The following MINAR2 variants were observed in gnomAD, a reference collection of about 807,000 sequenced individuals.
MINAR2 encodes the protein major intrinsically disordered NOTCH2-binding receptor 1-like.
In MINAR2, 21 loss-of-function variants were observed where a neutral mutation model predicts 16.1. That is an observed-to-expected ratio of 1.31 (90% CI 0.93 to 1.88). MINAR2 has a LOEUF of 1.88. Ranked by LOEUF, MINAR2 falls within the 40% of genes most tolerant of loss-of-function variation. The pLI is 0.00. For synonymous variants in MINAR2, 86 were observed against 83.0 expected, an observed-to-expected ratio of 1.04 and a Z score of -0.20; for missense variants, 259 against 229.8, an observed-to-expected ratio of 1.13 and a Z score of -0.82.
chr5:129,757,232 G>A (rs1018816310), intron 1 of MINAR2, among the ~76,000 whole-genome samples: 1 of 151,862 alleles, frequency 6.6e-6, no homozygotes, highest in South Asian at 2.1e-4. Flanking sequence ...TCATCCACAA[G>A]TCAATGGACA....
intron 2 of MINAR2, among the ~76,000 whole-genome samples, chr5:129,760,908 T>C (rs1248994832): frequency 2.6e-5 from 4 of 152,178 alleles, no homozygotes; most frequent in Admixed American, 2.0e-4. Flanking sequence ...ATTTGCAAGA[T>C]CACATTTTCT....
chr5:129,754,781 C>G (rs1037961383), intron 1 of MINAR2, among the ~76,000 whole-genome samples: 1 of 152,136 alleles, frequency 6.6e-6, no homozygotes, highest in African/African-American at 2.4e-5. Context: ...ATAAACATCC[C>G]TGTAGATAAT....
intron 2 of MINAR2, among the ~76,000 whole-genome samples, chr5:129,760,842 G>A (rs1363473): frequency 0.17 from 25,508 of 152,064 alleles, 2,342 homozygotes; most frequent in East Asian, 0.3. Flanking sequence ...GAAGAAAAAA[G>A]CCATGTGGTA....
chr5:129,750,061 T>C (rs1256223827), intron 1 of MINAR2, among the ~76,000 whole-genome samples: 1 of 152,188 alleles, frequency 6.6e-6, no homozygotes, highest in East Asian at 1.9e-4. Context: ...AATTGGCCAA[T>C]TATTAATGCA....
chr5:129,756,541 C>T (rs1451186651), intron 1 of MINAR2, among the ~76,000 whole-genome samples: 1 of 152,002 alleles, frequency 6.6e-6, no homozygotes, highest in Non-Finnish European at 1.5e-5. Context: ...GTCCTCATAG[C>T]CTAGCTCCCA....
Position 129,760,570 on chromosome 5 carries a change from C to T in MINAR2, c.358C>T (p.His120Tyr), listed in dbSNP as rs750401886. The T allele has an allele frequency of 8.1e-5, 125 of 1,535,374 alleles. No individual in the cohort carries two copies. The highest frequency in any genetic ancestry group is 1.0e-4 in the Non-Finnish European group (116 of 1,146,452). Residue 120 changes from histidine to tyrosine, a missense_variant, in exon 2 of 3, where the codon CAT becomes TAT. Coordinates refer to ENST00000564719, the MANE Select transcript of MINAR2 (RefSeq NM_001257308.2). The stretch of plus-strand genomic sequence containing the variant: ...ATGGACCATTGAGGAATATGACAAA[C>T]ATTCCCTGCACACAAACCTCTCTGG... ...PSWTIEEYDK[H>Y]SLHTNLSGHL... is the part of the protein sequence containing the mutation.
At chr5:129,758,704 T>C (rs1231942033) in intron 1 of MINAR2, among the ~76,000 whole-genome samples, 1 of 151,882 alleles carries the variant, frequency 6.6e-6, no homozygotes, top group Non-Finnish European at 1.5e-5. Context: ...GTCAGGAGAA[T>C]TATCCCCCTT....
intron 2 of MINAR2, among the ~76,000 whole-genome samples, chr5:129,762,235 C>T (rs1758146095): frequency 1.3e-5 from 2 of 151,994 alleles, no homozygotes; most frequent in Admixed American, 6.6e-5. Context: ...AGAAAACTAG[C>T]ACATGTAACC....
At chr5:129,758,042 T>C (rs1758078323) in intron 1 of MINAR2, among the ~76,000 whole-genome samples, 1 of 151,992 alleles carries the variant, frequency 6.6e-6, no homozygotes, top group Non-Finnish European at 1.5e-5. Flanking sequence ...TGAATTATAG[T>C]TTACTTCACA....
chr5:129,753,677 G>A (rs942265044), intron 1 of MINAR2, among the ~76,000 whole-genome samples: 2 of 151,514 alleles, frequency 1.3e-5, no homozygotes, highest in Non-Finnish European at 2.9e-5. Context: ...CGCTTGAACC[G>A]GGGAGGTGGA....
rs1159699816 is a variant in MINAR2 at position 129,766,655 on chromosome 5, AACAAAC to A, written c.*1594_*1599del. Reference sequence around the variant, plus strand: ...TCCATAAAAAAAAAAAAAAAAAAAAAACAAACAAACAAACAAAAAAAACCCCAAAAA... The same window carrying A: ...TCCATAAAAAAAAAAAAAAAAAAAAAAAACAAACAAAAAAAACCCCAAAAA... On this transcript the variant is annotated 3_prime_UTR_variant, in exon 3 of 3. Transcript: ENST00000564719. 8 of 85,328 alleles carry A rather than the reference AACAAAC, an allele frequency of 9.4e-5. No individual in the cohort carries two copies. In the East Asian group the frequency reaches 2.0e-3, roughly 21 times the overall value. The allele number at this position is 85,328 out of a possible 1,614,324, so 5.3% of individuals were successfully genotyped here. A position where few individuals can be genotyped will look rare whatever the true frequency, so the allele number is the denominator to read the frequency against.
At chr5:129,763,232 A>T (rs1035405587) in intron 2 of MINAR2, among the ~76,000 whole-genome samples, 1 of 152,192 alleles carries the variant, frequency 6.6e-6, no homozygotes, top group Non-Finnish European at 1.5e-5. Flanking sequence ...TACAGGTCTC[A>T]TAAGGTTATT....
chr5:129,760,036 A>G (rs895470558), intron 1 of MINAR2, among the ~76,000 whole-genome samples: 1 of 152,200 alleles, frequency 6.6e-6, no homozygotes, highest in Non-Finnish European at 1.5e-5. Flanking sequence ...AGAGATAAGT[A>G]AAATATCATT....
chr5:129,760,273 T>C (rs1305905241), intron 1 of MINAR2, 105 bp from the exon 2 acceptor site: 12 of 810,600 alleles, frequency 1.5e-5, no homozygotes, highest in Non-Finnish European at 2.4e-5. Context: ...TAATCTGTTG[T>C]GTTTCTGCAC....
Position 129,764,969 on chromosome 5 carries a change from A to G in MINAR2, c.479A>G (p.Glu160Gly). Residue 160 changes from glutamate (E) to glycine (G), a missense_variant, in exon 3 of 3, where the codon GAG (glutamate) becomes GGG (glycine). Physicochemically the swap from Glu to Gly is moderately conservative, Grantham distance 98. Transcript: ENST00000564719. ...TTATTGAAAAAGGAAGAGAAACAAGAGAAGCATTCAAAATTCTGTCGTATG... is the reference window on the plus strand; with the variant it reads ...TTATTGAAAAAGGAAGAGAAACAAGGGAAGCATTCAAAATTCTGTCGTATG... ...DTLLKKEEKQ[E>G]KHSKFCRMGL... 7.1e-7 allele frequency: 1 copy of G among 1,409,052 alleles called. No homozygotes were observed. Among genetic ancestry groups the G allele is most frequent in the Middle Eastern group, 1.8e-4 (1 of 5,462 alleles). The allele number at this position is 1,409,052 out of a possible 1,614,324, so 87.3% of individuals were successfully genotyped here.
chr5:129,756,934 TAAAAAA>T (rs34547893), intron 1 of MINAR2, among the ~76,000 whole-genome samples: 1 of 73,968 alleles, frequency 1.4e-5, no homozygotes, highest in African/African-American at 5.1e-5. Flanking sequence ...CTTTCCACAG[TAAAAAA>T]AAAAAAAAAA....
At chr5:129,754,004 T>G (rs1029721065) in intron 1 of MINAR2, among the ~76,000 whole-genome samples, 1 of 152,102 alleles carries the variant, frequency 6.6e-6, no homozygotes, top group African/African-American at 2.4e-5. Context: ...ACTAAATTTA[T>G]AGGATTAGGG....
At chr5:129,763,153 C>G (rs1419944708) in intron 2 of MINAR2, among the ~76,000 whole-genome samples, 1 of 152,118 alleles carries the variant, frequency 6.6e-6, no homozygotes, top group East Asian at 1.9e-4. Context: ...TGCTCCCTCC[C>G]CTACCCAGTC....
chr5:129,751,962 C>T (rs557568706), intron 1 of MINAR2, among the ~76,000 whole-genome samples: 1 of 151,944 alleles, frequency 6.6e-6, no homozygotes, highest in Non-Finnish European at 1.5e-5. Context: ...AGCCAACAAA[C>T]GTGAAAAAAA....
Sources: gnomAD v4.1 joint callset for allele counts (sites outside exome capture counted in the v4.1 genomes callset) on GRCh38, gnomAD v4.1.1 for gene constraint, MANE v1.5 for transcripts, NCBI Gene and HGNC (gene_info 2026-07-23, HGNC 2026-07-21) for gene names.